THRB: variants seen among roughly 807,000 people sequenced by gnomAD.
THRB encodes nuclear receptor subfamily 1 group A member 2.
In THRB, 12 loss-of-function variants were observed where a neutral mutation model predicts 47.8. The ratio of observed to expected loss-of-function variants is 0.25; its 90% CI spans 0.16 to 0.41. THRB has a LOEUF of 0.41. Ranked by LOEUF, THRB falls within the 10% of genes least tolerant of loss-of-function variation. The pLI is 1.00. For missense variants in THRB, 348 were observed against 589.2 expected, an observed-to-expected ratio of 0.59 and a Z score of 4.24; for synonymous variants, 218 against 212.2, an observed-to-expected ratio of 1.03 and a Z score of -0.24.
At chr3:24,189,112 G>A (rs573213205) in intron 5 of THRB, among the ~76,000 whole-genome samples, 11 of 152,052 alleles carry the variant, frequency 7.2e-5, no homozygotes, top group South Asian at 2.1e-4. Context: ...ATAATCATGT[G>A]TATATGTTCA....
intron 3 of THRB, among the ~76,000 whole-genome samples, chr3:24,261,882 G>A (rs2052079256): frequency 6.6e-6 from 1 of 152,090 alleles, no homozygotes; most frequent in Non-Finnish European, 1.5e-5. Flanking sequence ...AGACTTTTCT[G>A]GTTCTTTTCC....
At position 24,390,268 on chromosome 3, in the gene THRB, C is replaced by T. The variant is rs139990630; in HGVS notation, c.-260-52897G>A. Reference sequence around the variant, plus strand: ...GGCATGAGCCCTCTCCCAATCCCCACTCTCCAGCTGAAACACACTTTAGGT... The same window carrying T: ...GGCATGAGCCCTCTCCCAATCCCCATTCTCCAGCTGAAACACACTTTAGGT... On this transcript the variant is annotated intron_variant, in intron 1 of 10. Transcript: ENST00000646209. 6.3e-3 allele frequency among the ~76,000 whole-genome samples: 963 copies of T among 152,266 alleles called. 8 individuals carry two copies. The highest frequency in any genetic ancestry group is 7.7e-3 in the Non-Finnish European group (523 of 68,004).
chr3:24,141,659 A>G (rs2035464432), intron 8 of THRB, among the ~76,000 whole-genome samples: 1 of 152,258 alleles, frequency 6.6e-6, no homozygotes, highest in Non-Finnish European at 1.5e-5. Flanking sequence ...GAAGCACCTT[A>G]TGACTACTTA....
intron 1 of THRB, among the ~76,000 whole-genome samples, chr3:24,360,911 G>T (rs2064016064): frequency 6.6e-6 from 1 of 152,076 alleles, no homozygotes; most frequent in African/African-American, 2.4e-5. Context: ...GGTCTGTGGT[G>T]GGGCTCGAAC....
intron 1 of THRB, among the ~76,000 whole-genome samples, chr3:24,472,253 C>G (rs1694815772): frequency 6.6e-6 from 1 of 152,128 alleles, no homozygotes; most frequent in Admixed American, 6.6e-5. Flanking sequence ...CATGCCAGGA[C>G]AAATAAAAAT....
chr3:24,389,995 G>A (rs1208937452), intron 1 of THRB, among the ~76,000 whole-genome samples: 1 of 152,106 alleles, frequency 6.6e-6, no homozygotes, highest in Non-Finnish European at 1.5e-5. Context: ...GTGTGACAGA[G>A]GGGACAATCT....
intron 1 of THRB, among the ~76,000 whole-genome samples, chr3:24,342,083 T>C (rs940802625): frequency 1.3e-5 from 2 of 151,116 alleles, no homozygotes; most frequent in African/African-American, 4.9e-5. Context: ...AATTTGTTAC[T>C]ATCCCTGGTA....
chr3:24,313,323 G>A (rs1018586061), intron 2 of THRB, among the ~76,000 whole-genome samples: 1 of 152,142 alleles, frequency 6.6e-6, no homozygotes, highest in African/African-American at 2.4e-5. Context: ...TTCCTTGAAG[G>A]TGAGGGACCC....
chr3:24,459,224 G>A (rs1420917976), intron 1 of THRB: 7 of 152,026 alleles, frequency 4.6e-5, no homozygotes, highest in African/African-American at 1.4e-4. Context: ...CTGTTCCTAC[G>A]ATAGTTTGTG....
At chr3:24,127,463 C>A in intron 10 of THRB, 36 bp downstream of exon 10, 1 of 1,613,636 alleles carries the variant, frequency 6.2e-7, no homozygotes, top group Non-Finnish European at 8.5e-7. Context: ...AGCAAAAGCT[C>A]TTTGGATGCC....
At chr3:24,387,224 AT>A (rs994905760) in intron 1 of THRB, among the ~76,000 whole-genome samples, 5 of 152,134 alleles carry the variant, frequency 3.3e-5, no homozygotes, top group Middle Eastern at 3.4e-3. Flanking sequence ...AGTGCTTTGC[AT>A]TTTTTTCCCC....
chr3:24,201,803 C>T (rs953791758), intron 4 of THRB, among the ~76,000 whole-genome samples: 2 of 151,800 alleles, frequency 1.3e-5, no homozygotes, highest in African/African-American at 4.9e-5. Flanking sequence ...ATCCAAACAC[C>T]AAGATTTCAG....
intron 1 of THRB, among the ~76,000 whole-genome samples, chr3:24,404,986 C>G (rs2067706304): frequency 6.6e-6 from 1 of 151,910 alleles, no homozygotes; most frequent in Non-Finnish European, 1.5e-5. Context: ...AAAGAAAAAA[C>G]AAGCAGACCT....
intron 5 of THRB, among the ~76,000 whole-genome samples, chr3:24,170,990 G>GAGAT (rs1239125870): frequency 4.6e-5 from 7 of 152,178 alleles, no homozygotes; most frequent in African/African-American, 1.7e-4. Flanking sequence ...CAAGAGAACA[G>GAGAT]AGATAGAGCT....
intron 1 of THRB, among the ~76,000 whole-genome samples, chr3:24,413,890 T>C (rs1414138398): frequency 6.6e-6 from 1 of 151,830 alleles, no homozygotes; most frequent in South Asian, 2.1e-4. Flanking sequence ...CTGGAAACCA[T>C]CATTCTGAGC....
intron 1 of THRB, among the ~76,000 whole-genome samples, chr3:24,460,745 TG>T (rs2073622994): frequency 6.6e-6 from 1 of 152,196 alleles, no homozygotes; most frequent in African/African-American, 2.4e-5. Flanking sequence ...AGGTAAAATT[TG>T]TAAGAAGTGC....
intron 1 of THRB, among the ~76,000 whole-genome samples, chr3:24,382,556 TA>T (rs11307010): frequency 1 from 152,113 of 152,114 alleles, 76,056 homozygotes; most frequent in Non-Finnish European, 1. Context: ...AGGAGCTCAT[TA>T]AAAAAGGCAT....
Position 24,172,150 on chromosome 3 carries a change from G to A in THRB, c.283+17924C>T, listed in dbSNP as rs375553295. On this transcript the variant is annotated intron_variant, in intron 5 of 10. Coordinates refer to ENST00000646209, the MANE Select transcript of THRB (RefSeq NM_001354712.2). ...GTAACATTTGTTACAAGTGTTCCAT[G>A]AAACATACTTTGAAAAACCTAGTCA... 2.8e-4 allele frequency among the ~76,000 whole-genome samples: 42 copies of A among 152,244 alleles called. No individual in the cohort carries two copies. In the South Asian group the frequency reaches 8.7e-3, roughly 32 times the overall value.
chr3:24,458,923 T>C (rs2073434714), intron 1 of THRB: 1 of 151,294 alleles, frequency 6.6e-6, no homozygotes, highest in Non-Finnish European at 1.5e-5. Context: ...TTTTACTTTC[T>C]GATATTTATG....
Sources: allele counts gnomAD v4.1 joint callset (sites outside exome capture counted in the v4.1 genomes callset), GRCh38; gene constraint gnomAD v4.1.1; transcripts MANE v1.5; gene names NCBI Gene and HGNC (gene_info 2026-07-23, HGNC 2026-07-21).